Variants in WDPCP observed in about 807,000 individuals in gnomAD.
The protein encoded by WDPCP is WD repeat containing planar cell polarity effector.
WDPCP carries 71 observed loss-of-function variants against 93.1 expected under a neutral mutation model. The ratio of observed to expected loss-of-function variants is 0.76; its 90% CI spans 0.63 to 0.93. WDPCP has a LOEUF of 0.93. WDPCP is among the 40% of genes least tolerant of loss of function. WDPCP has a pLI of 0.00. For synonymous variants in WDPCP, 315 were observed against 315.0 expected, an observed-to-expected ratio of 1.00 and a Z score of 0.00; for missense variants, 844 against 887.4, an observed-to-expected ratio of 0.95 and a Z score of 0.62.
At chr2:63,761,976 A>C (rs575590354) in intron 2 of WDPCP, among the ~76,000 whole-genome samples, 1 of 152,094 alleles carries the variant, frequency 6.6e-6, no homozygotes, top group African/African-American at 2.4e-5. Flanking sequence ...ACTTACATTT[A>C]AAAAAAACAC....
intron 3 of WDPCP, among the ~76,000 whole-genome samples, chr2:63,596,613 T>C (rs981879236): frequency 1.3e-5 from 2 of 152,136 alleles, no homozygotes; most frequent in African/African-American, 4.8e-5. Flanking sequence ...TAATTTTTTT[T>C]TCTCCAACTG....
At chr2:63,610,098 C>A (rs1025573120) in intron 3 of WDPCP, among the ~76,000 whole-genome samples, 21 of 152,040 alleles carry the variant, frequency 1.4e-4, no homozygotes, top group Admixed American at 1.4e-3. Context: ...TTTGTTGCTC[C>A]TTCTCTTAAT....
intron 6 of WDPCP, among the ~76,000 whole-genome samples, chr2:63,462,171 TA>T: frequency 6.6e-6 from 1 of 152,164 alleles, no homozygotes; most frequent in African/African-American, 2.4e-5. Flanking sequence ...TATGCAGCCA[TA>T]AAAAAGGATG....
At chr2:63,127,121 CTTTT>C (rs66754554) in intron 17 of WDPCP, among the ~76,000 whole-genome samples, 5 of 119,842 alleles carry the variant, frequency 4.2e-5, no homozygotes. Flanking sequence ...ACATATTTAA[CTTTT>C]TTTTTTTTTT....
At chr2:63,715,942 G>A (rs11688759) in intron 2 of WDPCP, among the ~76,000 whole-genome samples, 2 of 152,202 alleles carry the variant, frequency 1.3e-5, no homozygotes, top group East Asian at 3.8e-4. Context: ...ACACGAGGTC[G>A]AGGTTGGTGA....
At chr2:63,837,526 T>A in the WDPCP span, among the ~76,000 whole-genome samples, 1 of 152,202 alleles carries the variant, frequency 6.6e-6, no homozygotes, top group African/African-American at 2.4e-5. Flanking sequence ...TCGCTCAAAC[T>A]ACACTGCTTT....
chr2:63,369,944 C>A (rs1691241780), intron 12 of WDPCP, among the ~76,000 whole-genome samples: 1 of 152,158 alleles, frequency 6.6e-6, no homozygotes, highest in Non-Finnish European at 1.5e-5. Flanking sequence ...TTAAAGGAAA[C>A]CAGACTGCCA....
At position 63,318,036 on chromosome 2, in the gene WDPCP, A is replaced by C. The variant is rs919101454; in HGVS notation, c.1749-4725T>G. 7.7e-4 allele frequency among the ~76,000 whole-genome samples: 118 copies of C among 152,344 alleles called. 1 individual carries two copies. The highest frequency in any genetic ancestry group is 2.7e-3 in the African/African-American group (112 of 41,580). ...ACTATGCATTTGGCAAAGGTCTAAT[A>C]TCCAGAATCTATAAAGAATTTAAAC... On this transcript the variant is annotated intron_variant, in intron 12 of 17. Coordinates refer to ENST00000272321, the MANE Select transcript of WDPCP (RefSeq NM_015910.7).
rs1559134728 is a variant in WDPCP, at chr2:63,122,068, CA to C, written c.2191-13del. The stretch of plus-strand genomic sequence containing the variant: ...CCATCTCTGATTTCCTGCAAATAAA[CA>C]AATAAAAATAATGTTTAAGCAGAGT... On this transcript the variant is annotated splice_polypyrimidine_tract_variant and intron_variant, in intron 17 of 17. Coordinates refer to ENST00000272321, the MANE Select transcript of WDPCP (RefSeq NM_015910.7). The C allele has an allele frequency of 6.3e-7, 1 of 1,587,392 alleles. No homozygotes were observed. The highest frequency in any genetic ancestry group is 8.6e-7 in the Non-Finnish European group (1 of 1,156,426).
intron 12 of WDPCP, among the ~76,000 whole-genome samples, chr2:63,358,235 T>A (rs77582805): frequency 0.014 from 2,201 of 152,120 alleles, 29 homozygotes; most frequent in Non-Finnish European, 0.021. Context: ...AACCTAAAAG[T>A]TTTTTAAAAA....
chr2:63,527,341 G>A (rs1703420633), intron 1 of WDPCP, among the ~76,000 whole-genome samples: 1 of 150,778 alleles, frequency 6.6e-6, no homozygotes, highest in Admixed American at 6.6e-5. Context: ...ATTTACATTA[G>A]GTATACGTCC....
At chr2:63,836,757 C>A in the WDPCP span, among the ~76,000 whole-genome samples, 2 of 152,162 alleles carry the variant, frequency 1.3e-5, no homozygotes, top group Non-Finnish European at 2.9e-5. Flanking sequence ...CTCACCAACA[C>A]TCTCCTCTGG....
intron 3 of WDPCP, chr2:63,643,799 G>A: frequency 1.8e-6 from 1 of 541,324 alleles, no homozygotes; most frequent in South Asian, 1.4e-5. Flanking sequence ...AATCCAAGCA[G>A]GGTAGGTTAC....
At chr2:63,792,129 C>T (rs920408804) in intron 2 of WDPCP, among the ~76,000 whole-genome samples, 1 of 152,112 alleles carries the variant, frequency 6.6e-6, no homozygotes, top group Non-Finnish European at 1.5e-5. Context: ...AGTGCAATGA[C>T]ATGTGTATTA....
chr2:63,545,074 T>C (rs1248737704), intron 1 of WDPCP, among the ~76,000 whole-genome samples: 1 of 152,100 alleles, frequency 6.6e-6, no homozygotes, highest in Non-Finnish European at 1.5e-5. Context: ...CTCTAAGGCC[T>C]TTCCAAAGAC....
intron 17 of WDPCP, among the ~76,000 whole-genome samples, chr2:63,130,179 G>C (rs114145896): frequency 4.3e-3 from 662 of 152,184 alleles, no homozygotes; most frequent in Middle Eastern, 0.014. Flanking sequence ...TCTTACCTGT[G>C]AAATCGTTGC....
intron 14 of WDPCP, among the ~76,000 whole-genome samples, chr2:63,195,029 G>T (rs1675322935): frequency 1.3e-5 from 2 of 151,962 alleles, no homozygotes; most frequent in South Asian, 4.1e-4. Context: ...TAATTTTATA[G>T]TTAAATATAG....
intron 12 of WDPCP, among the ~76,000 whole-genome samples, chr2:63,364,846 TGTTTA>T (rs911181976): frequency 1.3e-5 from 2 of 152,218 alleles, no homozygotes; most frequent in African/African-American, 4.8e-5. Context: ...TATCTCTTGC[TGTTTA>T]GTTTATAATG....
At chr2:63,584,244 C>A (rs769600678) in intron 1 of WDPCP, among the ~76,000 whole-genome samples, 21 of 152,078 alleles carry the variant, frequency 1.4e-4, no homozygotes, top group South Asian at 4.2e-4. Flanking sequence ...CCCAGTACCC[C>A]GTCTCCTACT....
Sources: gnomAD v4.1 joint callset for allele counts (sites outside exome capture counted in the v4.1 genomes callset) on GRCh38, gnomAD v4.1.1 for gene constraint, MANE v1.5 for transcripts, NCBI Gene and HGNC (gene_info 2026-07-23, HGNC 2026-07-21) for gene names.